The following NACC1 variants were observed in gnomAD, a reference collection of about 807,000 sequenced individuals.
NACC1 encodes nucleus accumbens-associated protein 1.
In NACC1, 6 loss-of-function variants were observed where a neutral mutation model predicts 41.7. The observed-to-expected ratio is 0.14, with a 90% CI of 0.08 to 0.28. NACC1 has a LOEUF of 0.28. NACC1 is among the 10% of genes least tolerant of loss of function. The probability of loss-of-function intolerance (pLI) is 1.00; values close to 1 mark genes in which losing one functional copy is unlikely to be tolerated. For synonymous variants in NACC1, 338 were observed against 330.6 expected (o/e 1.02, Z -0.24); for missense variants, 434 against 763.7 (o/e 0.57, Z 5.09).
intron 1 of NACC1, among the ~76,000 whole-genome samples, chr19:13,134,699 AT>A (rs2019676662): frequency 6.6e-6 from 1 of 152,188 alleles, no homozygotes; most frequent in Admixed American, 6.5e-5. Context: ...TCATTTAGTC[AT>A]TATACAAACA....
intron 1 of NACC1, among the ~76,000 whole-genome samples, chr19:13,127,722 C>G (rs2019583886): frequency 6.6e-6 from 1 of 151,634 alleles, no homozygotes; most frequent in Admixed American, 6.6e-5. Context: ...GATGTAGCTC[C>G]TGTGGTCCCA....
upstream of NACC1, chr19:13,116,963 G>A (rs2019392206): frequency 6.1e-6 from 1 of 162,784 alleles, no homozygotes; most frequent in Non-Finnish European, 1.4e-5. Context: ...ACACTTATTG[G>A]TCCTCTTCTG....
chr19:13,129,433 G>T lies in NACC1; in HGVS notation c.-8-5767G>T, dbSNP rs914648746. Among the ~76,000 whole-genome samples, 6 of 151,030 alleles carry T rather than the reference G, an allele frequency of 4.0e-5. No individual in the cohort carries two copies. In the East Asian group the frequency reaches 1.2e-3, roughly 29 times the overall value. ...ACATAGTTTTTCTCCTGAGTCCATT[G>T]GGCAGGATTGGGCCGGATTGGGCCA... is the stretch of plus-strand genomic sequence containing the variant. On this transcript the variant is annotated intron_variant, in intron 1 of 5. Transcript: ENST00000292431.
chr19:13,134,446 C>T (rs532037813), intron 1 of NACC1, among the ~76,000 whole-genome samples: 1 of 152,150 alleles, frequency 6.6e-6, no homozygotes, highest in East Asian at 1.9e-4. Flanking sequence ...TCTCGGCTCA[C>T]TGCAACCTCT....
In NACC1 at chr19:13,137,268, C is replaced by T; in HGVS notation, c.1121-3C>T. The stretch of plus-strand genomic sequence containing the variant: ...AGGCCATCCTCCGGCTTCCTCTCAC[C>T]AGGCACCAACGTGTACATCACAAGG... On this transcript the variant is annotated splice_region_variant and splice_polypyrimidine_tract_variant and intron_variant, in intron 3 of 5. Transcript: ENST00000292431. This position sits in a 1 kb window ranked among gnomAD's most constrained non-coding sequence, Gnocchi z 6.1. 6.2e-7 allele frequency: 1 copy of T among 1,612,956 alleles called. No individual in the cohort carries two copies. Among genetic ancestry groups the T allele is most frequent in the South Asian group, 1.1e-5 (1 of 91,080 alleles).
rs1052592281 is a variant in NACC1, at chr19:13,118,420, C to G, written c.-43C>G. The G allele has an allele frequency of 3.4e-5, 5 of 148,742 alleles. No homozygotes were observed. The highest frequency in any genetic ancestry group is 1.2e-4 in the African/African-American group (5 of 41,032). The allele number at this position is 148,742 out of a possible 1,614,324, so 9.2% of individuals were successfully genotyped here. A position where few individuals can be genotyped will look rare whatever the true frequency, so the allele number is the denominator to read the frequency against. On this transcript the variant is annotated 5_prime_UTR_variant, in exon 1 of 6. Transcript: ENST00000292431. ...CCGGCCCCAGCCGCCGCTGCGGAGC[C>G]CGCCGGGACCCCCCGGAGCGCGGCC...
upstream of NACC1, chr19:13,117,563 C>CTTTTTTTTTTT (rs34010451): frequency 7.4e-6 from 1 of 135,032 alleles, no homozygotes; most frequent in African/African-American, 2.8e-5. Flanking sequence ...TTCTTTCTTT[C>CTTTTTTTTTTT]TTTTTTTTTT....
Position 13,138,487 on chromosome 19 carries a change from C to T in NACC1, c.*81C>T. 1.3e-6 allele frequency: 2 copies of T among 1,557,388 alleles called. No homozygotes were observed. Among genetic ancestry groups the T allele is most frequent in the Non-Finnish European group, 1.7e-6 (2 of 1,155,238 alleles). On this transcript the variant is annotated 3_prime_UTR_variant, in exon 6 of 6. Coordinates refer to ENST00000292431, the MANE Select transcript of NACC1 (RefSeq NM_052876.4). This position sits in a 1 kb window ranked among gnomAD's most constrained non-coding sequence, Gnocchi z 5.7. ...TGCCATCTTGGTCATGAGCTACTGT[C>T]TGTCCCTCCCCAGGACCCGCGGTGG... is the stretch of plus-strand genomic sequence containing the variant.
intron 1 of NACC1, among the ~76,000 whole-genome samples, chr19:13,129,962 G>C (rs1419510479): frequency 6.6e-6 from 1 of 152,054 alleles, no homozygotes; most frequent in Non-Finnish European, 1.5e-5. Flanking sequence ...GCTTGGTAAG[G>C]TCACCTTGAA....
chr19:13,128,992 T>A (rs73509405), intron 1 of NACC1, among the ~76,000 whole-genome samples: 1 of 152,114 alleles, frequency 6.6e-6, no homozygotes, highest in African/African-American at 2.4e-5. Context: ...TCTCATATGG[T>A]TTTCTGCCCT....
At chr19:13,133,761 A>G (rs1217268629) in intron 1 of NACC1, among the ~76,000 whole-genome samples, 2 of 152,146 alleles carry the variant, frequency 1.3e-5, no homozygotes. Context: ...AATGCAGGCA[A>G]ATGTTTTCGT....
chr19:13,128,788 T>G (rs1443097635), intron 1 of NACC1, among the ~76,000 whole-genome samples: 4 of 152,086 alleles, frequency 2.6e-5, no homozygotes. Context: ...CTGGCAAATA[T>G]TTATTGAGTA....
chr19:13,129,268 C>T (rs1245034790), intron 1 of NACC1, among the ~76,000 whole-genome samples: 5 of 152,140 alleles, frequency 3.3e-5, no homozygotes, highest in African/African-American at 1.2e-4. Flanking sequence ...GACCTCAATC[C>T]TCGACTCCAT....
intron 1 of NACC1, 86 bp from the exon 2 acceptor site, chr19:13,135,114 G>T: frequency 2.8e-6 from 4 of 1,445,758 alleles, no homozygotes; most frequent in Non-Finnish European, 2.7e-6. Flanking sequence ...AGGTCTTTGG[G>T]GCCAGGGCTA....
At chr19:13,126,828 G>A (rs1221970319) in intron 1 of NACC1, among the ~76,000 whole-genome samples, 4 of 152,040 alleles carry the variant, frequency 2.6e-5, no homozygotes, top group East Asian at 1.9e-4. Flanking sequence ...TTTTTTCCAC[G>A]AAGGACTGTG....
In NACC1 at chr19:13,135,789, G is replaced by A; in HGVS notation, c.582G>A (p.Gly194=). 1 of 1,557,406 alleles carries A rather than the reference G, an allele frequency of 6.4e-7. No individual in the cohort carries two copies. The highest frequency in any genetic ancestry group is 8.7e-7 in the Non-Finnish European group (1 of 1,152,274). Residue 194 remains glycine (G), a synonymous_variant, in exon 2 of 6, where the codon GGG becomes GGA. Transcript: ENST00000292431. ...GGGACAGTGGCCAGAAGGAGGCTGG[G>A]GGCGGCGGCAATGGCAGCCGCAAGA... The part of the protein sequence containing the change: ...RLWDSGQKEA[G]GGGNGSRKMA...
At chr19:13,134,195 A>ACC (rs2019669467) in intron 1 of NACC1, among the ~76,000 whole-genome samples, 1 of 151,968 alleles carries the variant, frequency 6.6e-6, no homozygotes, top group Non-Finnish European at 1.5e-5. Flanking sequence ...AGTAGCTGGG[A>ACC]CCACAGGTGT....
At position 13,133,073 on chromosome 19, in the gene NACC1, T is replaced by C. The variant is rs77595560; in HGVS notation, c.-8-2127T>C. Among the ~76,000 whole-genome samples, 794 of 151,836 alleles carry C rather than the reference T, an allele frequency of 5.2e-3. 11 individuals carry two copies. The highest frequency in any genetic ancestry group is 0.018 in the African/African-American group (765 of 41,392). On this transcript the variant is annotated intron_variant, in intron 1 of 5. Coordinates refer to ENST00000292431, the MANE Select transcript of NACC1 (RefSeq NM_052876.4). ...CCCAGGGAGGCAGATCTGAGTGGAG[T>C]TGCTAATGAAACATGGAAGGTGCTT...
rs746510528 is a variant in NACC1 at position 13,136,365 on chromosome 19, C to T, written c.1080C>T (p.Tyr360=). ...QIGNRCHPKL[Y]DEGDPSEKLE... ...GGAACCGCTGCCACCCCAAGCTCTA[C>T]GACGAGGGCGACCCCTCTGAGAAGC... is the stretch of plus-strand genomic sequence containing the variant. Residue 360 remains tyrosine, a synonymous_variant, in exon 3 of 6, where the codon TAC becomes TAT. Transcript: ENST00000292431. This position sits in a 1 kb window ranked among gnomAD's most constrained non-coding sequence, Gnocchi z 5.5. The T allele has an allele frequency of 1.2e-5, 20 of 1,613,914 alleles. 1 individual carries two copies. Among genetic ancestry groups the T allele is most frequent in the Admixed American group, 1.7e-5 (1 of 59,988 alleles).
Sources: allele counts gnomAD v4.1 joint callset (sites outside exome capture counted in the v4.1 genomes callset), GRCh38; gene constraint gnomAD v4.1.1; non-coding constraint Gnocchi (gnomAD v3.1); transcripts MANE v1.5; gene names NCBI Gene and HGNC (gene_info 2026-07-23, HGNC 2026-07-21).